HAO1: variants seen among roughly 807,000 people sequenced by gnomAD.
HAO1 encodes the protein hydroxyacid oxidase 1.
HAO1 carries 34 observed loss-of-function variants against 39.7 expected under a neutral mutation model. That is an observed-to-expected ratio of 0.86 (90% CI 0.65 to 1.14). The LOEUF is 1.14. HAO1 is among the 50% of genes most tolerant of loss of function. The pLI, the probability that HAO1 is intolerant of heterozygous loss-of-function variation, is 0.00. For synonymous variants in HAO1, 172 were observed against 173.2 expected (o/e 0.99, Z 0.05); for missense variants, 479 against 464.5 (o/e 1.03, Z -0.29).
chr20:7,931,483 G>A (rs1168836934), intron 2 of HAO1, among the ~76,000 whole-genome samples: 1 of 152,058 alleles, frequency 6.6e-6, no homozygotes, highest in Non-Finnish European at 1.5e-5. Context: ...CCCTAGGCAA[G>A]GTTATTCACC....
chr20:7,913,506 T>C (rs1477193033), intron 3 of HAO1, among the ~76,000 whole-genome samples: 2 of 152,218 alleles, frequency 1.3e-5, no homozygotes, highest in Admixed American at 6.5e-5. Context: ...CAGCTTTGAC[T>C]CAAGATGATT....
intron 4 of HAO1, among the ~76,000 whole-genome samples, chr20:7,902,537 C>A (rs1336451518): frequency 1.3e-5 from 2 of 152,146 alleles, no homozygotes; most frequent in Non-Finnish European, 2.9e-5. Flanking sequence ...AAAAACATAA[C>A]TTTCATATGC....
At chr20:7,926,983 G>A (rs1481506501) in intron 2 of HAO1, among the ~76,000 whole-genome samples, 1 of 151,536 alleles carries the variant, frequency 6.6e-6, no homozygotes, top group Non-Finnish European at 1.5e-5. Flanking sequence ...TGTGGCACTT[G>A]CCCACATAAC....
chr20:7,909,998 T>C (rs1023185241), intron 3 of HAO1, among the ~76,000 whole-genome samples: 2 of 152,214 alleles, frequency 1.3e-5, no homozygotes, highest in Non-Finnish European at 2.9e-5. Context: ...GGAATGAATT[T>C]TGAGTTCAAA....
chr20:7,907,970 G>C (rs1007145678), intron 3 of HAO1, among the ~76,000 whole-genome samples: 1 of 152,094 alleles, frequency 6.6e-6, no homozygotes, highest in Non-Finnish European at 1.5e-5. Flanking sequence ...TCCCCTGCCA[G>C]TCAATCTCCC....
chr20:7,916,743 A>T (rs185555042), intron 2 of HAO1, among the ~76,000 whole-genome samples: 2 of 152,344 alleles, frequency 1.3e-5, no homozygotes, highest in Non-Finnish European at 2.9e-5. Flanking sequence ...TGTTTTTCAT[A>T]CATGTTCTCC....
At chr20:7,915,923 A>T (rs2050304906) in intron 2 of HAO1, among the ~76,000 whole-genome samples, 1 of 152,160 alleles carries the variant, frequency 6.6e-6, no homozygotes, top group Admixed American at 6.5e-5. Context: ...TAATTTTAAA[A>T]TTTTGTCTTT....
intron 1 of HAO1, among the ~76,000 whole-genome samples, chr20:7,939,289 T>C (rs940481648): frequency 2.6e-5 from 4 of 152,176 alleles, no homozygotes; most frequent in Non-Finnish European, 5.9e-5. Flanking sequence ...CCATTGCCAT[T>C]TTCAGTCTTC....
At chr20:7,903,522 C>G (rs2050230964) in intron 4 of HAO1, among the ~76,000 whole-genome samples, 1 of 143,742 alleles carries the variant, frequency 7.0e-6, no homozygotes, top group Non-Finnish European at 1.5e-5. Flanking sequence ...AGTGGTGATA[C>G]TGGTGGTGGT....
intron 4 of HAO1, among the ~76,000 whole-genome samples, chr20:7,899,282 T>C (rs1457870467): frequency 6.6e-6 from 1 of 152,128 alleles, no homozygotes; most frequent in Non-Finnish European, 1.5e-5. Context: ...AGCTTGTGGA[T>C]TAAATGAGTT....
rs1000434000 is a variant in HAO1, at chr20:7,914,566, C to T, written c.290-147G>A. 1.0e-4 allele frequency: 83 copies of T among 791,154 alleles called. No individual in the cohort carries two copies. In the African/African-American group the frequency reaches 1.1e-3, roughly 10 times the overall value. 49.0% of individuals were successfully genotyped at this position (791,154 alleles called of 1,614,324 possible). ...CTTAAAGAGAGAAGAAAGTCTGGCCCATACCATCTATTTCCTGATTCTACC... is the reference window on the plus strand; with the variant it reads ...CTTAAAGAGAGAAGAAAGTCTGGCCTATACCATCTATTTCCTGATTCTACC... On this transcript the variant is annotated intron_variant, in intron 2 of 7. Coordinates refer to ENST00000378789, the MANE Select transcript of HAO1 (RefSeq NM_017545.3).
At chr20:7,899,403 G>A (rs891746546) in intron 4 of HAO1, among the ~76,000 whole-genome samples, 4 of 152,098 alleles carry the variant, frequency 2.6e-5, no homozygotes, top group African/African-American at 9.7e-5. Context: ...AAGATGAGTA[G>A]GTGGAGAAAG....
chr20:7,883,587 G>A lies in HAO1; in HGVS notation c.*6C>T, dbSNP rs199935397. 2.0e-4 allele frequency: 325 copies of A among 1,602,238 alleles called. 2 individuals carry two copies. In the African/African-American group the frequency reaches 3.9e-3, roughly 19 times the overall value. On this transcript the variant is annotated 3_prime_UTR_variant, in exon 8 of 8. Transcript: ENST00000378789. ...AATAATACAGATGGGAAAATATTGT[G>A]CACTGTCAGATCTTGGAAACGGCCA... is the stretch of plus-strand genomic sequence containing the variant.
At chr20:7,913,341 T>C (rs1361272650) in intron 3 of HAO1, among the ~76,000 whole-genome samples, 2 of 152,132 alleles carry the variant, frequency 1.3e-5, no homozygotes, top group Non-Finnish European at 2.9e-5. Flanking sequence ...TTGATCCCTT[T>C]TAAAATACTT....
chr20:7,911,101 C>A (rs191506572), intron 3 of HAO1, among the ~76,000 whole-genome samples: 1 of 152,110 alleles, frequency 6.6e-6, no homozygotes, highest in African/African-American at 2.4e-5. Flanking sequence ...TTGAAAGAAC[C>A]GCAGGGAAGC....
chr20:7,920,161 T>C (rs765341301), intron 2 of HAO1, among the ~76,000 whole-genome samples: 37 of 151,996 alleles, frequency 2.4e-4, no homozygotes, highest in Non-Finnish European at 4.1e-4. Flanking sequence ...GTTTTCATGC[T>C]AGTGAGTGAG....
chr20:7,886,286 G>A (rs2050151124), intron 5 of HAO1, among the ~76,000 whole-genome samples: 1 of 151,726 alleles, frequency 6.6e-6, no homozygotes, highest in Non-Finnish European at 1.5e-5. Flanking sequence ...TGATTCTCCT[G>A]CCTCAGTCTC....
At chr20:7,927,753 G>C (rs2050366168) in intron 2 of HAO1, among the ~76,000 whole-genome samples, 2 of 152,136 alleles carry the variant, frequency 1.3e-5, no homozygotes, top group Admixed American at 1.3e-4. Context: ...TAGGATGTTT[G>C]CAATAAATAT....
In HAO1 at chr20:7,906,154, C is replaced by A; in HGVS notation, c.721G>T (p.Gly241Cys). ...AATTCAAGTAGAGAAATAAACGAACCTCTCAAAATGCCCTTTGCAACAATT... is the reference window on the plus strand; with the variant it reads ...AATTCAAGTAGAGAAATAAACGAACATCTCAAAATGCCCTTTGCAACAATT... ...LPIVAKGILR[G>C]DDAREAVKHG... The change falls in exon 4 of 8, where the codon GGT becomes TGT. Residue 241 changes from glycine to cysteine, a missense_variant and splice_region_variant. By Grantham distance (159) the Gly-to-Cys change is radical. Coordinates refer to ENST00000378789, the MANE Select transcript of HAO1 (RefSeq NM_017545.3). The A allele has an allele frequency of 1.9e-6, 3 of 1,605,532 alleles. No homozygotes were observed. The highest frequency in any genetic ancestry group is 1.1e-5 in the South Asian group (1 of 90,798).
Sources: allele counts gnomAD v4.1 joint callset (sites outside exome capture counted in the v4.1 genomes callset), GRCh38; gene constraint gnomAD v4.1.1; transcripts MANE v1.5; gene names NCBI Gene and HGNC (gene_info 2026-07-23, HGNC 2026-07-21).